The following ABCC11 variants were observed in gnomAD, a reference collection of about 807,000 sequenced individuals.
ABCC11 encodes the protein ATP binding cassette subfamily C member 11, also known as ATP-binding cassette sub-family C member 11.
Under a neutral mutation model 149.3 loss-of-function variants are expected in ABCC11, and 135 were observed. That is an observed-to-expected ratio of 0.90 (90% CI 0.79 to 1.04). The LOEUF is 1.04. Among genes scored for constraint, ABCC11 ranks in the 50% least tolerant of loss-of-function variants. The pLI is 0.00. For missense variants in ABCC11, 1,680 were observed against 1,722.1 expected, an observed-to-expected ratio of 0.98 and a Z score of 0.43; for synonymous variants, 665 against 671.4, an observed-to-expected ratio of 0.99 and a Z score of 0.15.
At chr16:48,234,592 G>T (rs1206913522) in intron 1 of ABCC11, among the ~76,000 whole-genome samples, 1 of 152,132 alleles carries the variant, frequency 6.6e-6, no homozygotes, top group Non-Finnish European at 1.5e-5. Flanking sequence ...TGTGCCTGGT[G>T]GTTAGCTTTC....
chr16:48,179,286 C>G (rs566097511), intron 23 of ABCC11, among the ~76,000 whole-genome samples: 1 of 152,208 alleles, frequency 6.6e-6, no homozygotes, highest in Non-Finnish European at 1.5e-5. Flanking sequence ...ACCCAAGTTC[C>G]TTTCTCAGGT....
At chr16:48,214,279 T>C (rs1371019235) in intron 9 of ABCC11, among the ~76,000 whole-genome samples, 1 of 151,722 alleles carries the variant, frequency 6.6e-6, no homozygotes, top group Non-Finnish European at 1.5e-5. Context: ...TTCTCGGGGG[T>C]GTTTTCCTGG....
intron 4 of ABCC11, among the ~76,000 whole-genome samples, chr16:48,227,301 C>T (rs1014085488): frequency 6.6e-6 from 1 of 151,898 alleles, no homozygotes; most frequent in East Asian, 1.9e-4. Flanking sequence ...TAGTGAAACC[C>T]CATCTCTACT....
At position 48,214,989 on chromosome 16, in the gene ABCC11, C is replaced by G; in HGVS notation, c.1140G>C (p.Gly380=). 2 of 1,614,128 alleles carry G rather than the reference C, an allele frequency of 1.2e-6. No homozygotes were observed. Among genetic ancestry groups the G allele is most frequent in the African/African-American group, 1.3e-5 (1 of 75,036 alleles). ...RKERKLLEKC[G]LVQSLTSITL... is the part of the protein sequence containing the mutation. Reference sequence around the variant, plus strand: ...TTATACTTGTCAGGCTCTGGACAAGCCCGCACTTCTCCAATAGTTTCCTTT... The same window carrying G: ...TTATACTTGTCAGGCTCTGGACAAGGCCGCACTTCTCCAATAGTTTCCTTT... The change falls in exon 9 of 30, where the codon GGG becomes GGC. Residue 380 remains glycine, a synonymous_variant. Transcript: ENST00000356608.
At chr16:48,193,244 T>C (rs904222864) in intron 19 of ABCC11, among the ~76,000 whole-genome samples, 1 of 152,154 alleles carries the variant, frequency 6.6e-6, no homozygotes, top group Non-Finnish European at 1.5e-5. Flanking sequence ...TATTAAATCC[T>C]TGGAAGCTCT....
chr16:48,224,571 T>A (rs1969952201), intron 4 of ABCC11, 142 bp from the exon 5 acceptor site: 2 of 879,420 alleles, frequency 2.3e-6, no homozygotes, highest in Non-Finnish European at 1.7e-6. Flanking sequence ...TGAGTACTCA[T>A]CCCCCTTTCC....
At chr16:48,208,874 G>A (rs1416041932) in intron 11 of ABCC11, among the ~76,000 whole-genome samples, 1 of 152,148 alleles carries the variant, frequency 6.6e-6, no homozygotes, top group East Asian at 1.9e-4. Flanking sequence ...AGAATTTCAT[G>A]CATGCATGCA....
intron 18 of ABCC11, 23 bp from the exon 19 acceptor site, chr16:48,194,005 G>A (rs1270889626): frequency 4.5e-6 from 7 of 1,566,948 alleles, no homozygotes; most frequent in Admixed American, 3.3e-5. Flanking sequence ...CAGTGGTGAT[G>A]TACAAGTGCC....
chr16:48,203,412 T>C, intron 13 of ABCC11, 112 bp from the exon 14 acceptor site: 1 of 929,926 alleles, frequency 1.1e-6, no homozygotes, highest in South Asian at 1.6e-5. Flanking sequence ...TTAGACTTGA[T>C]GGTGTTTAAT....
chr16:48,205,382 G>A (rs776010311), intron 13 of ABCC11, 31 bp downstream of exon 13: 44 of 1,613,738 alleles, frequency 2.7e-5, no homozygotes, highest in Middle Eastern at 3.3e-4. Flanking sequence ...CACATGCCCT[G>A]TACTCTCCCT....
chr16:48,215,440 T>A, intron 7 of ABCC11, 96 bp from the exon 8 acceptor site: 2 of 1,394,466 alleles, frequency 1.4e-6, no homozygotes, highest in Non-Finnish European at 2.0e-6. Flanking sequence ...GGCAACTGGG[T>A]GTATTTCCAA....
chr16:48,173,637 G>C (rs993001427), intron 26 of ABCC11, among the ~76,000 whole-genome samples: 4 of 152,072 alleles, frequency 2.6e-5, no homozygotes, highest in African/African-American at 9.7e-5. Flanking sequence ...GGGCGGGGAA[G>C]GTTTTGAGAC....
rs1451115323 is a variant in ABCC11, at chr16:48,224,548, T to G, written c.396-119A>C. The G allele has an allele frequency of 3.5e-6, 4 of 1,148,126 alleles. No individual in the cohort carries two copies. The African/African-American group carries it at 4.6e-5, about 13-fold the overall frequency. 71.1% of individuals were successfully genotyped at this position (1,148,126 alleles called of 1,614,324 possible). ...TTTCAAACATAACAGAATAGAACAA[T>G]GTAGTAATCTTCTGAGTACTCATCC... On this transcript the variant is annotated intron_variant, in intron 4 of 29. Transcript: ENST00000356608.
intron 6 of ABCC11, among the ~76,000 whole-genome samples, chr16:48,220,931 G>A (rs945359305): frequency 6.6e-6 from 1 of 152,222 alleles, no homozygotes; most frequent in Non-Finnish European, 1.5e-5. Context: ...CCAGATTTGT[G>A]CAAAAAGAAC....
intron 1 of ABCC11, among the ~76,000 whole-genome samples, chr16:48,245,821 T>G (rs1338766512): frequency 6.6e-6 from 1 of 152,160 alleles, no homozygotes; most frequent in Non-Finnish European, 1.5e-5. Flanking sequence ...CCACATTATA[T>G]TTTTATTGGA....
In ABCC11 at chr16:48,224,221, G is replaced by A. The variant is rs572091954; in HGVS notation, c.543+61C>T. ...TGGCATGGACTTGAACATGCCCGCA[G>A]TTCCATCGCTAAACCTCTGAAGCCT... On this transcript the variant is annotated intron_variant, in intron 5 of 29. Transcript: ENST00000356608. 1.3e-5 allele frequency: 21 copies of A among 1,559,118 alleles called. No homozygotes were observed. In the South Asian group the frequency reaches 1.9e-4, roughly 14 times the overall value.
chr16:48,222,491 C>G, intron 6 of ABCC11, 107 bp downstream of exon 6: 1 of 887,580 alleles, frequency 1.1e-6, no homozygotes. Flanking sequence ...TTCTCTTTCT[C>G]CTTCCTCTTC....
chr16:48,192,109 C>A (rs951453069), intron 20 of ABCC11, among the ~76,000 whole-genome samples: 1 of 151,864 alleles, frequency 6.6e-6, no homozygotes, highest in Admixed American at 6.6e-5. Context: ...CAGAGCAAGA[C>A]CCCATCTCTA....
chr16:48,214,101 C>G (rs1969142668), intron 9 of ABCC11, among the ~76,000 whole-genome samples: 1 of 152,106 alleles, frequency 6.6e-6, no homozygotes, highest in Non-Finnish European at 1.5e-5. Flanking sequence ...GCCGAAAGAA[C>G]CTTCCAATCC....
Sources: gnomAD v4.1 joint callset for allele counts (sites outside exome capture counted in the v4.1 genomes callset) on GRCh38, gnomAD v4.1.1 for gene constraint, MANE v1.5 for transcripts, NCBI Gene and HGNC (gene_info 2026-07-23, HGNC 2026-07-21) for gene names.